Variants in SYNE1 observed in about 807,000 individuals in gnomAD.
SYNE1 encodes nesprin-1.
SYNE1 carries 616 observed loss-of-function variants against 1,111.0 expected under a neutral mutation model. That is an observed-to-expected ratio of 0.55 (90% CI 0.52 to 0.59). SYNE1 has a LOEUF of 0.59. Among genes scored for constraint, SYNE1 ranks in the 20% least tolerant of loss-of-function variants. The pLI is 0.00. For synonymous variants in SYNE1, 3,855 were observed against 3,825.8 expected (o/e 1.01, Z -0.28); for missense variants, 10,006 against 10,417.0 (o/e 0.96, Z 1.72).
In SYNE1 at chr6:152,206,231, C is replaced by G; in HGVS notation, c.22956G>C (p.Glu7652Asp). The stretch of plus-strand genomic sequence containing the variant: ...GCCGCATGCTGGCTGATTTCCATTT[C>G]TCTTGGATTTCAGCGAGTTCGGCCT... Reference protein sequence around the residue: ...ALQAELAEIQEKWKSASMRLE... With the variant: ...ALQAELAEIQDKWKSASMRLE... Residue 7652 changes from glutamate to aspartate, a missense_variant, in exon 126 of 146, where the codon GAG becomes GAC. Glu to Asp is a conservative substitution (Grantham distance 45). Around this residue, in one of 7 missense-constraint regions of SYNE1, gnomAD observed 2,182 missense variants for 2,287.8 expected, o/e 0.95. Coordinates refer to ENST00000367255, the MANE Select transcript of SYNE1 (RefSeq NM_182961.4). The G allele has an allele frequency of 1.2e-6, 2 of 1,613,850 alleles. No homozygotes were observed. Among genetic ancestry groups the G allele is most frequent in the Non-Finnish European group, 1.7e-6 (2 of 1,180,016 alleles).
chr6:152,521,941 T>A (rs2099141875), intron 5 of SYNE1, among the ~76,000 whole-genome samples: 2 of 152,166 alleles, frequency 1.3e-5, no homozygotes, highest in Admixed American at 1.3e-4. Flanking sequence ...TAAAACATAT[T>A]CACCCATGTT....
chr6:152,616,968 C>G (rs2099655068), intron 3 of SYNE1, among the ~76,000 whole-genome samples: 2 of 152,138 alleles, frequency 1.3e-5, no homozygotes, highest in Admixed American at 1.3e-4. Context: ...AGGCTTGCCG[C>G]CTATCCATAA....
chr6:152,433,166 G>A (rs760865754), intron 34 of SYNE1, among the ~76,000 whole-genome samples: 114 of 151,928 alleles, frequency 7.5e-4, no homozygotes, highest in Non-Finnish European at 1.4e-3. Context: ...AAAAGAAAGA[G>A]AAATAAACAC....
At chr6:152,636,416 A>G (rs942897709) in intron 2 of SYNE1, among the ~76,000 whole-genome samples, 2 of 152,112 alleles carry the variant, frequency 1.3e-5, no homozygotes, top group Admixed American at 1.3e-4. Flanking sequence ...ACATCTACGT[A>G]CGAGATGCAA....
chr6:152,488,074 CAAA>C (rs35496801), intron 12 of SYNE1, among the ~76,000 whole-genome samples: 1 of 132,992 alleles, frequency 7.5e-6, no homozygotes, highest in Non-Finnish European at 1.6e-5. Context: ...GACTCCGTCT[CAAA>C]AAAAAAAAAA....
chr6:152,323,175 G>A (rs1331169326), intron 82 of SYNE1, among the ~76,000 whole-genome samples: 3 of 152,314 alleles, frequency 2.0e-5, no homozygotes, highest in Non-Finnish European at 4.4e-5. Flanking sequence ...TAGGGGCCGG[G>A]CGCGGTGGCT....
In SYNE1 at chr6:152,624,915, T is replaced by C. The variant is rs1172033672; in HGVS notation, c.67+3350A>G. Among the ~76,000 whole-genome samples, 4 of 146,104 alleles carry C rather than the reference T, an allele frequency of 2.7e-5. No homozygotes were observed. The Admixed American group carries it at 2.8e-4, about 10-fold the overall frequency. ...GTAAGCTAAATAAGCAAGGGAGTAG[T>C]GCCAAGTTGCAATTATTCAAAGCTG... is the stretch of plus-strand genomic sequence containing the variant. On this transcript the variant is annotated intron_variant, in intron 3 of 145. Coordinates refer to ENST00000367255, the MANE Select transcript of SYNE1 (RefSeq NM_182961.4).
intron 34 of SYNE1, among the ~76,000 whole-genome samples, chr6:152,431,266 G>C (rs1245536822): frequency 1.3e-5 from 2 of 152,092 alleles, no homozygotes; most frequent in African/African-American, 2.4e-5. Flanking sequence ...GGACCATCTG[G>C]TCCCTATTCT....
At position 152,418,560 on chromosome 6, in the gene SYNE1, T is replaced by C. The variant is rs149476434; in HGVS notation, c.5421+1009A>G. Among the ~76,000 whole-genome samples, 446 of 152,346 alleles carry C rather than the reference T, an allele frequency of 2.9e-3. 3 individuals are homozygous for C. The highest frequency in any genetic ancestry group is 4.2e-3 in the Non-Finnish European group (288 of 68,026). ...TATGATCAATATCGGAATTTTTGAATGTTTTCTGGTGCCAGGATAGATATA... is the reference window on the plus strand; with the variant it reads ...TATGATCAATATCGGAATTTTTGAACGTTTTCTGGTGCCAGGATAGATATA... On this transcript the variant is annotated intron_variant, in intron 40 of 145. Transcript: ENST00000367255.
intron 3 of SYNE1, among the ~76,000 whole-genome samples, chr6:152,564,303 G>T (rs1463189690): frequency 6.6e-6 from 1 of 152,056 alleles, no homozygotes; most frequent in Non-Finnish European, 1.5e-5. Flanking sequence ...AGAAATGTTT[G>T]TTTTTTGTTT....
At chr6:152,154,865 G>C in intron 133 of SYNE1, 27 bp downstream of exon 133, 1 of 1,613,430 alleles carries the variant, frequency 6.2e-7, no homozygotes, top group Non-Finnish European at 8.5e-7. Context: ...GCAAAATAAG[G>C]ATTAAAAATT....
intron 63 of SYNE1, among the ~76,000 whole-genome samples, chr6:152,363,402 G>C (rs2096979158): frequency 1.3e-5 from 2 of 150,558 alleles, no homozygotes; most frequent in African/African-American, 4.8e-5. Flanking sequence ...GCTGAGGCAG[G>C]AGAATGGCGT....
chr6:152,441,935 A>G (rs2098534227), intron 31 of SYNE1, 140 bp downstream of exon 31: 1 of 1,023,422 alleles, frequency 9.8e-7, no homozygotes, highest in Non-Finnish European at 1.5e-6. Context: ...GATGATTAAA[A>G]GATGGTTCAT....
At chr6:152,262,485 TAGC>T (rs1180184393) in intron 100 of SYNE1, among the ~76,000 whole-genome samples, 3 of 152,290 alleles carry the variant, frequency 2.0e-5, no homozygotes, top group African/African-American at 7.2e-5. Flanking sequence ...CTTTGGCAAA[TAGC>T]AGAAAAGTTA....
In SYNE1 at chr6:152,234,105, G is replaced by A. The variant is rs1266210199; in HGVS notation, c.20530-142C>T. 2.7e-5 allele frequency: 25 copies of A among 912,586 alleles called. 1 individual carries two copies. The highest frequency in any genetic ancestry group is 4.1e-5 in the Non-Finnish European group (24 of 587,640). The allele number at this position is 912,586 out of a possible 1,614,324, so 56.5% of individuals were successfully genotyped here. ...GAACACTCAAAAGAAAATGAAAGCA[G>A]TACACCCTTGCCCTCGAATGAAAGG... On this transcript the variant is annotated intron_variant, in intron 111 of 145. Coordinates refer to ENST00000367255, the MANE Select transcript of SYNE1 (RefSeq NM_182961.4).
chr6:152,514,656 A>G (rs920541265), intron 6 of SYNE1, among the ~76,000 whole-genome samples: 17 of 147,542 alleles, frequency 1.2e-4, no homozygotes, highest in African/African-American at 4.3e-4. Flanking sequence ...AACAATGAAT[A>G]CCAAAAAAAA....
intron 130 of SYNE1, among the ~76,000 whole-genome samples, chr6:152,166,722 C>T (rs988761028): frequency 6.6e-5 from 10 of 152,060 alleles, no homozygotes; most frequent in South Asian, 6.2e-4. Flanking sequence ...GTAAAGTCGA[C>T]GGGGGTGAAC....
chr6:152,209,444 C>T (rs78234956), intron 124 of SYNE1, among the ~76,000 whole-genome samples: 2,675 of 152,194 alleles, frequency 0.018, 84 homozygotes, highest in African/African-American at 0.061. Flanking sequence ...TATGCCCTCT[C>T]ATCTTAAAAA....
At chr6:152,236,382 A>G in intron 109 of SYNE1, 79 bp from the exon 110 acceptor site, 1 of 1,019,700 alleles carries the variant, frequency 9.8e-7, no homozygotes, top group Non-Finnish European at 1.5e-6. Context: ...TCTGGTACCT[A>G]CAATGTTCCC....
Sources: gnomAD v4.1 joint callset for allele counts (sites outside exome capture counted in the v4.1 genomes callset) on GRCh38, gnomAD v4.1.1 for gene constraint, gnomAD v4.1.1 regional missense constraint, MANE v1.5 for transcripts, NCBI Gene and HGNC (gene_info 2026-07-23, HGNC 2026-07-21) for gene names.